The following PTCH2 variants were observed in gnomAD, a reference collection of about 807,000 sequenced individuals.
PTCH2 encodes protein patched homolog 2.
PTCH2 carries 96 observed loss-of-function variants against 117.9 expected under a neutral mutation model. That is an observed-to-expected ratio of 0.81 (90% CI 0.69 to 0.96). The LOEUF is 0.96. PTCH2 is among the 50% of genes least tolerant of loss of function. The pLI, the probability that PTCH2 is intolerant of heterozygous loss-of-function variation, is 0.00. For missense variants in PTCH2, 1,379 were observed against 1,562.5 expected, an observed-to-expected ratio of 0.88 and a Z score of 1.98; for synonymous variants, 615 against 660.9, an observed-to-expected ratio of 0.93 and a Z score of 1.06.
At chr1:44,838,158 T>C (rs1234577093) in intron 2 of PTCH2, among the ~76,000 whole-genome samples, 1 of 151,964 alleles carries the variant, frequency 6.6e-6, no homozygotes, top group East Asian at 1.9e-4. Flanking sequence ...TAGTAAACAA[T>C]TGGGTGAACA....
At chr1:44,838,311 G>A (rs1023159032) in intron 2 of PTCH2, among the ~76,000 whole-genome samples, 3 of 152,106 alleles carry the variant, frequency 2.0e-5, no homozygotes, top group Non-Finnish European at 4.4e-5. Context: ...ACGCGATCTC[G>A]GCTCACTGCA....
intron 2 of PTCH2, 95 bp from the exon 3 acceptor site, chr1:44,832,436 G>A: frequency 7.7e-7 from 1 of 1,297,526 alleles, no homozygotes; most frequent in South Asian, 1.2e-5. Flanking sequence ...CCCCAGACAA[G>A]TGGGAGAGGT....
intron 2 of PTCH2, among the ~76,000 whole-genome samples, chr1:44,841,153 A>G: frequency 6.6e-6 from 1 of 152,034 alleles, no homozygotes; most frequent in Non-Finnish European, 1.5e-5. Flanking sequence ...TGGGTGACAG[A>G]GAAAGACTCT....
chr1:44,823,246 A>G lies in PTCH2; in HGVS notation c.3254T>C (p.Val1085Ala). The G allele has an allele frequency of 6.2e-7, 1 of 1,614,220 alleles. No individual in the cohort carries two copies. Among genetic ancestry groups the G allele is most frequent in the Non-Finnish European group, 8.5e-7 (1 of 1,180,018 alleles). ...MLAGSHFDFI[V>A]RYFFAALTVL... ...CCCTGCCCCGAGCCCTCCCTACCTT[A>G]CAATGAAGTCAAAGTGGGAACCAGC... is the stretch of plus-strand genomic sequence containing the variant. Residue 1085 changes from valine (V) to alanine (A), a missense_variant, in exon 20 of 22, where the codon GTA becomes GCA. By Grantham distance (64) the Val-to-Ala change is moderately conservative. Coordinates refer to ENST00000372192, the MANE Select transcript of PTCH2 (RefSeq NM_003738.5). The surrounding 1 kb of genome is among the most constrained non-coding windows in gnomAD (Gnocchi z 5.1).
Position 44,831,991 on chromosome 1 carries a change from T to C in PTCH2, c.509A>G (p.Asn170Ser). The change falls in exon 4 of 22, where the codon AAT becomes AGT. Residue 170 changes from asparagine (N) to serine (S), a missense_variant. By Grantham distance (46) the Asn-to-Ser change is conservative. Coordinates refer to ENST00000372192, the MANE Select transcript of PTCH2 (RefSeq NM_003738.5). The surrounding 1 kb of genome is among the most constrained non-coding windows in gnomAD (Gnocchi z 4.3). Reference protein sequence around the residue: ...CYKSGVPLIENGMIERMIEKL... With the variant: ...CYKSGVPLIESGMIERMIEKL... ...GACACTTACCCGCTCAATCATTCCA[T>C]TTTCAATAAGGGGAACTCCTGACTT... 6.2e-7 allele frequency: 1 copy of C among 1,613,000 alleles called. No individual in the cohort carries two copies. Among genetic ancestry groups the C allele is most frequent in the Non-Finnish European group, 8.5e-7 (1 of 1,179,002 alleles).
rs1284199682 is a variant in PTCH2 at position 44,828,645 on chromosome 1, G to C, written c.1465-14C>G. ...GCCCATGCGCTCCTGCCAGGACAGA[G>C]TGGGGACCTGCCCTCAGGTCACAAG... On this transcript the variant is annotated splice_polypyrimidine_tract_variant and intron_variant, in intron 11 of 21. Transcript: ENST00000372192. The C allele has an allele frequency of 2.5e-6, 4 of 1,609,836 alleles. No individual in the cohort carries two copies. Among genetic ancestry groups the C allele is most frequent in the Non-Finnish European group, 3.4e-6 (4 of 1,178,542 alleles).
At chr1:44,841,694 GT>G (rs1412577115) in intron 2 of PTCH2, among the ~76,000 whole-genome samples, 152 bp downstream of exon 2, 1 of 152,144 alleles carries the variant, frequency 6.6e-6, no homozygotes, top group Non-Finnish European at 1.5e-5. Context: ...GGAGGGAACG[GT>G]GTTCCTAGAT....
rs1653316176 is a variant in PTCH2 at position 44,829,280 on chromosome 1, C to CCA, written c.1246_1247dup (p.Trp416CysfsTer119). On this transcript the variant is annotated frameshift_variant, in exon 10 of 22. Transcript: ENST00000372192. LOFTEE classifies it high-confidence loss of function. ...CGGAACCCTGGGACTGGGCGCAGTCCCACCGCAGCATGGTCACACAGGCAT... is the reference window on the plus strand; with the variant it reads ...CGGAACCCTGGGACTGGGCGCAGTCCCACACCGCAGCATGGTCACACAGGCAT... 6.2e-7 allele frequency: 1 copy of CCA among 1,613,444 alleles called. No homozygotes were observed. The highest frequency in any genetic ancestry group is 1.1e-5 in the South Asian group (1 of 91,072).
In PTCH2 at chr1:44,828,171, A is replaced by G. The variant is rs41269091; in HGVS notation, c.1730T>C (p.Ile577Thr). ...CFSSPCSAQV[I>T]QILPQELGDG... ...CCCCAGCTCCTGGGGCAGGATCTGA[A>G]TCACCTGAGCAGAGCAGGGACTGGA... The change falls in exon 14 of 22, where the codon ATT (isoleucine) becomes ACT (threonine). Residue 577 changes from isoleucine (I) to threonine (T), a missense_variant. Ile to Thr is a moderately conservative substitution (Grantham distance 89). Transcript: ENST00000372192. The G allele has an allele frequency of 6.2e-7, 1 of 1,613,724 alleles. No homozygotes were observed. Among genetic ancestry groups the G allele is most frequent in the Non-Finnish European group, 8.5e-7 (1 of 1,180,026 alleles).
chr1:44,841,309 G>C (rs1653939397), intron 2 of PTCH2, among the ~76,000 whole-genome samples: 1 of 151,386 alleles, frequency 6.6e-6, no homozygotes, highest in Non-Finnish European at 1.5e-5. Flanking sequence ...ATTCTGTATT[G>C]CTTTTCCATT....
chr1:44,843,042 GC>G lies in PTCH2; in HGVS notation c.-111del. ...GGGCCCCGCGTAGGGATTCAGTGGG[GC>G]CGCCAAGGCGCGGGCGTGGGAGAGA... On this transcript the variant is annotated 5_prime_UTR_variant, in exon 1 of 22. Transcript: ENST00000372192. The G allele has an allele frequency of 7.0e-7, 1 of 1,431,918 alleles. No homozygotes were observed. Among genetic ancestry groups the G allele is most frequent in the Non-Finnish European group, 9.1e-7 (1 of 1,097,268 alleles). 88.7% of individuals were successfully genotyped at this position (1,431,918 alleles called of 1,614,324 possible). A position where few individuals can be genotyped will look rare whatever the true frequency, so the allele number is the denominator to read the frequency against.
rs372495085 is a variant in PTCH2, at chr1:44,842,946, G to A, written c.-14C>T. ...CGATCGAGTCATGCTGGCGGGGATG[G>A]GGGGCGCGGGCGCCCCCAACCCGCG... On this transcript the variant is annotated 5_prime_UTR_variant, in exon 1 of 22. Transcript: ENST00000372192. The A allele has an allele frequency of 1.3e-6, 2 of 1,533,868 alleles. No homozygotes were observed. The highest frequency in any genetic ancestry group is 1.8e-6 in the Non-Finnish European group (2 of 1,141,210).
rs748137699 is a variant in PTCH2, at chr1:44,829,434, C to G, written c.1183G>C (p.Ala395Pro). The change falls in exon 9 of 22, where the codon GCT becomes CCT. Residue 395 changes from alanine to proline, a missense_variant. Physicochemically the swap from Ala to Pro is conservative, Grantham distance 27 (BLOSUM62 -1). Transcript: ENST00000372192. ...AGATAGCCTCCCACCACACGGGCAGCACTGACTTCAGAGAACGCATGCAGG... is the reference window on the plus strand; with the variant it reads ...AGATAGCCTCCCACCACACGGGCAGGACTGACTTCAGAGAACGCATGCAGG... ...DILHAFSEVS[A>P]ARVVGGYLLM... The G allele has an allele frequency of 6.2e-7, 1 of 1,614,220 alleles. No individual in the cohort carries two copies. Among genetic ancestry groups the G allele is most frequent in the South Asian group, 1.1e-5 (1 of 91,088 alleles).
At chr1:44,836,845 C>A (rs1417431336) in intron 2 of PTCH2, among the ~76,000 whole-genome samples, 1 of 152,034 alleles carries the variant, frequency 6.6e-6, no homozygotes, top group African/African-American at 2.4e-5. Flanking sequence ...CCAGATACTA[C>A]AGAGAAAGAG....
In PTCH2 at chr1:44,822,535, G is replaced by A. The variant is rs1392930052; in HGVS notation, c.3492C>T (p.Ile1164=). 1.2e-6 allele frequency: 2 copies of A among 1,613,964 alleles called. No homozygotes were observed. The highest frequency in any genetic ancestry group is 2.7e-5 in the African/African-American group (2 of 74,894). ...ARVTTSMTVA[I]HPPPLPGAYI... ...AGGCACCAGGCAGGGGGGGTGGGTGGATGGCCACGGTCATGGAGGTAGTCA... is the reference window on the plus strand; with the variant it reads ...AGGCACCAGGCAGGGGGGGTGGGTGAATGGCCACGGTCATGGAGGTAGTCA... The change falls in exon 22 of 22, where the codon ATC becomes ATT. Residue 1164 remains isoleucine (I), a synonymous_variant. Coordinates refer to ENST00000372192, the MANE Select transcript of PTCH2 (RefSeq NM_003738.5).
chr1:44,826,626 G>A lies in PTCH2; in HGVS notation c.2838C>T (p.Pro946=), dbSNP rs1414940449. The change falls in exon 18 of 22, where the codon CCC becomes CCT. Residue 946 remains proline, a synonymous_variant. Transcript: ENST00000372192. This position sits in a 1 kb window ranked among gnomAD's most constrained non-coding sequence, Gnocchi z 5.1. ...EAGQAGVHAY[P]SGSPFLFWEQ... is the part of the protein sequence containing the mutation. ...CCCAGAAGAGGAAGGGGGAGCCGCT[G>A]GGGTAGGCGTGCACCCCAGCCTGGC... 3 of 1,613,184 alleles carry A rather than the reference G, an allele frequency of 1.9e-6. No individual in the cohort carries two copies. The South Asian group carries it at 3.3e-5, about 18-fold the overall frequency.
chr1:44,839,102 G>A (rs57139686), intron 2 of PTCH2, among the ~76,000 whole-genome samples: 30,222 of 151,936 alleles, frequency 0.2, 3,213 homozygotes, highest in East Asian at 0.26. Context: ...TTGGCCTAGC[G>A]TCTGGCTCAG....
downstream of PTCH2, chr1:44,819,962 G>C (rs567045658): frequency 1.6e-4 from 25 of 153,434 alleles, no homozygotes; most frequent in African/African-American, 5.5e-4. Context: ...AGTAAAAGGC[G>C]AAAGATTTAT....
Position 44,831,942 on chromosome 1 carries a change from A to G in PTCH2, c.525+33T>C, listed in dbSNP as rs2148879980. The G allele has an allele frequency of 6.3e-7, 1 of 1,589,544 alleles. No individual in the cohort carries two copies. Among genetic ancestry groups the G allele is most frequent in the Non-Finnish European group, 8.6e-7 (1 of 1,157,838 alleles). ...CTGAGTCCTCCCACGCTACAGAAAA[A>G]GTTCTGCCTCTACTCCCTCTCAGGA... On this transcript the variant is annotated intron_variant, in intron 4 of 21. Transcript: ENST00000372192. This position sits in a 1 kb window ranked among gnomAD's most constrained non-coding sequence, Gnocchi z 4.3.
Sources: gnomAD v4.1 joint callset for allele counts (sites outside exome capture counted in the v4.1 genomes callset) on GRCh38, gnomAD v4.1.1 for gene constraint, Gnocchi (gnomAD v3.1) non-coding constraint, MANE v1.5 for transcripts, NCBI Gene and HGNC (gene_info 2026-07-23, HGNC 2026-07-21) for gene names.